Variants in GPHN observed in about 807,000 individuals in gnomAD.
The protein encoded by GPHN is gephyrin.
A neutral mutation model predicts 95.5 loss-of-function variants in GPHN; 17 were observed. The ratio of observed to expected loss-of-function variants is 0.18; its 90% CI spans 0.12 to 0.27. The LOEUF (loss-of-function observed/expected upper bound fraction) is 0.27, where lower values mean the gene tolerates loss of function less well. GPHN is among the 10% of genes least tolerant of loss of function. GPHN has a pLI of 1.00. For missense variants in GPHN, 660 were observed against 978.1 expected (o/e 0.67, Z 4.34); for synonymous variants, 320 against 322.5 (o/e 0.99, Z 0.08).
At chr14:66,936,354 G>C (rs2067134240) in intron 8 of GPHN, among the ~76,000 whole-genome samples, 1 of 151,972 alleles carries the variant, frequency 6.6e-6, no homozygotes, top group Admixed American at 6.6e-5. Context: ...ACTCTATCCT[G>C]GGTGACGAGA....
At chr14:67,342,490 G>C in the GPHN span, among the ~76,000 whole-genome samples, 1 of 149,760 alleles carries the variant, frequency 6.7e-6, no homozygotes, top group East Asian at 1.9e-4. Flanking sequence ...CATTAGGCTC[G>C]ACTTTACATA....
chr14:66,994,366 AAAAAAGAAAAAAG>A (rs1413148166), intron 9 of GPHN, among the ~76,000 whole-genome samples: 1 of 151,202 alleles, frequency 6.6e-6, no homozygotes, highest in East Asian at 2.0e-4. Context: ...ACTGTCTCAA[AAAAAAGAAAAAAG>A]AAAAAGAAAA....
the GPHN span, among the ~76,000 whole-genome samples, chr14:67,509,770 G>C: frequency 4.6e-5 from 7 of 152,190 alleles, no homozygotes; most frequent in African/African-American, 1.7e-4. Flanking sequence ...ACTTTGGGAG[G>C]CTGAGGCAGG....
At position 66,561,689 on chromosome 14, in the gene GPHN, CATT is replaced by C. The variant is rs573168702; in HGVS notation, c.64+53100_64+53102del. 2.0e-5 allele frequency among the ~76,000 whole-genome samples: 3 copies of C among 152,106 alleles called. No individual in the cohort carries two copies. The South Asian group carries it at 6.2e-4, about 32-fold the overall frequency. Reference sequence around the variant, plus strand: ...TCTAGAATTAGGCTGAGTAAATTGACATTAATTTAAAAAACAAAAGTTACTATA... The same window carrying C: ...TCTAGAATTAGGCTGAGTAAATTGACAATTTAAAAAACAAAAGTTACTATA... On this transcript the variant is annotated intron_variant, in intron 1 of 22. Transcript: ENST00000478722.
chr14:66,546,717 CA>C (rs1400030645), intron 1 of GPHN, among the ~76,000 whole-genome samples: 1 of 149,576 alleles, frequency 6.7e-6, no homozygotes, highest in African/African-American at 2.5e-5. Context: ...GCCGAGATGG[CA>C]GCAGTACAGT....
the GPHN span, among the ~76,000 whole-genome samples, chr14:67,210,439 G>A: frequency 1.3e-5 from 2 of 151,014 alleles, no homozygotes; most frequent in Non-Finnish European, 3.0e-5. Context: ...AAAAGAAGAA[G>A]AACAAAGAAA....
the GPHN span, among the ~76,000 whole-genome samples, chr14:67,683,708 C>G: frequency 6.6e-6 from 1 of 152,210 alleles, no homozygotes; most frequent in Non-Finnish European, 1.5e-5. Flanking sequence ...AGATAGCTGG[C>G]ATTCGCTCAC....
chr14:67,417,687 T>C, the GPHN span, among the ~76,000 whole-genome samples: 2 of 152,142 alleles, frequency 1.3e-5, no homozygotes, highest in Admixed American at 1.3e-4. Flanking sequence ...TGCCTTGGCC[T>C]CCCAAAGTGT....
chr14:67,198,414 G>T, the GPHN span: 1 of 1,216,422 alleles, frequency 8.2e-7, no homozygotes, highest in Non-Finnish European at 1.2e-6. Flanking sequence ...TGTTTTAAAT[G>T]TGCCGAGGGA....
At chr14:67,099,455 T>A (rs2077574918) in intron 12 of GPHN, among the ~76,000 whole-genome samples, 1 of 150,582 alleles carries the variant, frequency 6.6e-6, no homozygotes, top group African/African-American at 2.5e-5. Context: ...AAAAAAAAAA[T>A]AACCCATGAA....
rs79866586 is a variant in GPHN, at chr14:66,786,623, C to T, written c.201+10102C>T. Among the ~76,000 whole-genome samples, 458 of 152,056 alleles carry T rather than the reference C, an allele frequency of 3.0e-3. 3 individuals are homozygous for T. The highest frequency in any genetic ancestry group is 0.011 in the African/African-American group (438 of 41,510). Reference sequence around the variant, plus strand: ...AGTATCTCTTACGAACTAAAATCCTCAATAAAGTATTATCAATTACATGCA... The same window carrying T: ...AGTATCTCTTACGAACTAAAATCCTTAATAAAGTATTATCAATTACATGCA... On this transcript the variant is annotated intron_variant, in intron 3 of 22. Transcript: ENST00000478722.
chr14:67,589,367 A>G, the GPHN span: 1 of 984,722 alleles, frequency 1.0e-6, no homozygotes, highest in Non-Finnish European at 1.2e-6. Context: ...CTGAAAACCA[A>G]AGTCCAATTT....
chr14:67,410,483 C>G, the GPHN span, among the ~76,000 whole-genome samples: 1 of 152,164 alleles, frequency 6.6e-6, no homozygotes, highest in Non-Finnish European at 1.5e-5. Context: ...CTGCGAGAAA[C>G]CGGCCTATCA....
chr14:66,683,369 T>TGTTC lies in GPHN; in HGVS notation c.143+2184_143+2185insGTTC, dbSNP rs1241080914. Among the ~76,000 whole-genome samples, 209 of 32,056 alleles carry TGTTC rather than the reference T, an allele frequency of 6.5e-3. 9 individuals are homozygous for TGTTC. The highest frequency in any genetic ancestry group is 0.016 in the African/African-American group (52 of 3,168). 21.0% of individuals were successfully genotyped at this position (32,056 alleles called of 152,430 possible). ...ATATATATATATATATATATATATA[T>TGTTC]ATATATATATGTTCATATATATATG... On this transcript the variant is annotated intron_variant, in intron 2 of 22. Coordinates refer to ENST00000478722, the MANE Select transcript of GPHN (RefSeq NM_020806.5).
At chr14:67,257,737 TGA>T in the GPHN span, among the ~76,000 whole-genome samples, 1 of 152,148 alleles carries the variant, frequency 6.6e-6, no homozygotes, top group Non-Finnish European at 1.5e-5. Context: ...AAGAAGAAAC[TGA>T]GAGTTAAAAG....
intron 20 of GPHN, 96 bp downstream of exon 20, chr14:67,165,322 C>T (rs920465510): frequency 7.7e-6 from 6 of 781,002 alleles, no homozygotes; most frequent in Non-Finnish European, 1.4e-5. Flanking sequence ...ATCTGAAAGA[C>T]CTGGGCTCAA....
At chr14:67,681,648 G>A in the GPHN span, among the ~76,000 whole-genome samples, 2 of 152,164 alleles carry the variant, frequency 1.3e-5, no homozygotes, top group East Asian at 3.8e-4. Context: ...CAGGCATGGT[G>A]GTGTGCACCT....
intron 1 of GPHN, among the ~76,000 whole-genome samples, chr14:66,591,921 A>G (rs2061665672): frequency 6.6e-6 from 1 of 152,250 alleles, no homozygotes; most frequent in Non-Finnish European, 1.5e-5. Flanking sequence ...CAAAGGCTAC[A>G]GTAACTAAAA....
intron 8 of GPHN, among the ~76,000 whole-genome samples, chr14:66,944,815 G>C (rs981171622): frequency 2.6e-5 from 4 of 152,214 alleles, no homozygotes; most frequent in Admixed American, 1.3e-4. Flanking sequence ...GGAGGGGAAG[G>C]CTCCACAGAT....
Sources: allele counts gnomAD v4.1 joint callset (sites outside exome capture counted in the v4.1 genomes callset), GRCh38; gene constraint gnomAD v4.1.1; transcripts MANE v1.5; gene names NCBI Gene and HGNC (gene_info 2026-07-23, HGNC 2026-07-21).